Variants in NTM observed in about 807,000 individuals in gnomAD.
The protein encoded by NTM is IgLON family member 2.
Under a neutral mutation model 42.1 loss-of-function variants are expected in NTM, and 13 were observed. The ratio of observed to expected loss-of-function variants is 0.31; its 90% CI spans 0.20 to 0.49. The LOEUF (loss-of-function observed/expected upper bound fraction) is 0.49. Ranked by LOEUF, NTM falls within the 20% of genes least tolerant of loss-of-function variation. The pLI is 0.99. For synonymous variants in NTM, 187 were observed against 179.2 expected (o/e 1.04, Z -0.35); for missense variants, 373 against 452.8 (o/e 0.82, Z 1.60).
At chr11:131,788,906 G>T (rs947054791) in intron 1 of NTM, among the ~76,000 whole-genome samples, 2 of 152,092 alleles carry the variant, frequency 1.3e-5, no homozygotes, top group East Asian at 3.9e-4. Context: ...GAAGATAGGC[G>T]CTTACTTCTC....
chr11:131,583,620 C>T (rs1254817793), intron 1 of NTM, among the ~76,000 whole-genome samples: 6 of 152,140 alleles, frequency 3.9e-5, no homozygotes, highest in South Asian at 2.1e-4. Flanking sequence ...GTTATTCCAC[C>T]AAATATCCTA....
intron 2 of NTM, among the ~76,000 whole-genome samples, chr11:132,125,704 G>GT: frequency 6.6e-6 from 1 of 152,038 alleles, no homozygotes; most frequent in African/African-American, 2.4e-5. Flanking sequence ...GTGTGAGTGT[G>GT]GTGTGTAGTG....
intron 8 of NTM, among the ~76,000 whole-genome samples, chr11:132,331,274 G>GTGTC (rs2095796459): frequency 6.6e-6 from 1 of 152,202 alleles, no homozygotes; most frequent in African/African-American, 2.4e-5. Context: ...TCCTACATGA[G>GTGTC]TGTCATTAAG....
At chr11:132,303,761 G>T (rs1488722743) in intron 4 of NTM, among the ~76,000 whole-genome samples, 1 of 150,958 alleles carries the variant, frequency 6.6e-6, no homozygotes, top group African/African-American at 2.4e-5. Context: ...CATCATGTTG[G>T]TCCAGGATGA....
intron 1 of NTM, among the ~76,000 whole-genome samples, chr11:131,593,601 G>A (rs2458783): frequency 0.81 from 123,180 of 151,824 alleles, 50,196 homozygotes; most frequent in African/African-American, 0.9. Context: ...TGTAAAAGCC[G>A]TTATCACCTC....
At chr11:131,857,324 C>T (rs1169925107) in intron 1 of NTM, among the ~76,000 whole-genome samples, 1 of 152,194 alleles carries the variant, frequency 6.6e-6, no homozygotes, top group Non-Finnish European at 1.5e-5. Context: ...CCCGAATATG[C>T]CTTGCCTTCC....
At chr11:131,955,680 T>C (rs1022696405) in intron 2 of NTM, among the ~76,000 whole-genome samples, 1 of 151,926 alleles carries the variant, frequency 6.6e-6, no homozygotes, top group African/African-American at 2.4e-5. Flanking sequence ...GAAGGACCCA[T>C]GTCCCTCCCA....
At chr11:132,329,248 C>T (rs375069120) in intron 7 of NTM, among the ~76,000 whole-genome samples, 1 of 152,166 alleles carries the variant, frequency 6.6e-6, no homozygotes, top group African/African-American at 2.4e-5. Context: ...TGCCATTTTC[C>T]GTCCTCTCTG....
At chr11:132,291,523 G>C (rs2094450237) in intron 4 of NTM, among the ~76,000 whole-genome samples, 2 of 152,148 alleles carry the variant, frequency 1.3e-5, no homozygotes, top group African/African-American at 2.4e-5. Context: ...TAGGGTTCAT[G>C]GAAGAGAAAT....
At chr11:132,316,065 G>C (rs2095420755) in intron 7 of NTM, among the ~76,000 whole-genome samples, 1 of 151,956 alleles carries the variant, frequency 6.6e-6, no homozygotes, top group Non-Finnish European at 1.5e-5. Flanking sequence ...ATTAACCCAA[G>C]TCCTGCTCTC....
intron 2 of NTM, among the ~76,000 whole-genome samples, chr11:131,920,033 A>G (rs1352237068): frequency 6.6e-6 from 1 of 152,138 alleles, no homozygotes; most frequent in Non-Finnish European, 1.5e-5. Flanking sequence ...GTTTTTCGTA[A>G]AAAGATTGTT....
At chr11:131,884,918 A>G (rs140086590) in intron 1 of NTM, among the ~76,000 whole-genome samples, 4 of 152,296 alleles carry the variant, frequency 2.6e-5, no homozygotes, top group Admixed American at 6.5e-5. Flanking sequence ...CCTTCACAGC[A>G]TACCATGAGG....
intron 1 of NTM, chr11:131,794,983 C>CCTTG: frequency 1.0e-6 from 1 of 985,312 alleles, no homozygotes; most frequent in South Asian, 4.7e-5. Flanking sequence ...GGAGGGGCAG[C>CCTTG]CTTGGGCAGG....
At chr11:132,127,859 G>A (rs1206422561) in intron 2 of NTM, among the ~76,000 whole-genome samples, 1 of 152,218 alleles carries the variant, frequency 6.6e-6, no homozygotes, top group African/African-American at 2.4e-5. Flanking sequence ...AGACTTAGTA[G>A]TGTCTAACGT....
chr11:131,789,066 T>C (rs983575558), intron 1 of NTM, among the ~76,000 whole-genome samples: 1 of 152,090 alleles, frequency 6.6e-6, no homozygotes, highest in African/African-American at 2.4e-5. Flanking sequence ...TCTCGAAATC[T>C]TTCTTCTGCT....
intron 1 of NTM, 64 bp from the exon 2 acceptor site, chr11:131,911,500 C>T (rs1388726862): frequency 1.9e-6 from 3 of 1,614,158 alleles, no homozygotes; most frequent in Non-Finnish European, 2.5e-6. Flanking sequence ...CTGTGGGTAC[C>T]TGTTCCTGCC....
chr11:132,122,215 C>T (rs149290482), intron 2 of NTM, among the ~76,000 whole-genome samples: 3 of 152,250 alleles, frequency 2.0e-5, no homozygotes, highest in East Asian at 1.9e-4. Context: ...GCGCTGGGAC[C>T]CTGCCAAAGT....
At chr11:131,931,755 G>A (rs1249095258) in intron 2 of NTM, among the ~76,000 whole-genome samples, 1 of 152,122 alleles carries the variant, frequency 6.6e-6, no homozygotes, top group Non-Finnish European at 1.5e-5. Context: ...GGCATGTGGT[G>A]GGGGGTGGTG....
chr11:131,611,709 G>A (rs143183856), intron 1 of NTM, among the ~76,000 whole-genome samples: 2 of 152,306 alleles, frequency 1.3e-5, no homozygotes, highest in African/African-American at 2.4e-5. Flanking sequence ...GGAAGACCTC[G>A]TGCTGGAACT....
Sources: allele counts gnomAD v4.1 joint callset (sites outside exome capture counted in the v4.1 genomes callset), GRCh38; gene constraint gnomAD v4.1.1; transcripts MANE v1.5; gene names NCBI Gene and HGNC (gene_info 2026-07-23, HGNC 2026-07-21).